Variants in PRKN observed in about 807,000 individuals in gnomAD.
PRKN encodes the protein parkin RBR E3 ubiquitin protein ligase, also known as E3 ubiquitin-protein ligase parkin.
In PRKN, 56 loss-of-function variants were observed where a neutral mutation model predicts 59.5. The observed-to-expected ratio is 0.94, with a 90% CI of 0.76 to 1.18. The LOEUF (loss-of-function observed/expected upper bound fraction) is 1.18, where lower values mean the gene tolerates loss of function less well. Ranked by LOEUF, PRKN falls within the 50% of genes most tolerant of loss-of-function variation. The probability of loss-of-function intolerance (pLI) is 0.00; values close to 1 mark genes in which losing one functional copy is unlikely to be tolerated. For synonymous variants in PRKN, 250 were observed against 222.1 expected (o/e 1.13, Z -1.12); for missense variants, 657 against 596.4 (o/e 1.10, Z -1.06).
intron 6 of PRKN, among the ~76,000 whole-genome samples, chr6:161,898,128 A>G (rs1203279838): frequency 1.3e-5 from 2 of 152,136 alleles, no homozygotes; most frequent in Non-Finnish European, 2.9e-5. Flanking sequence ...AAATCACTAT[A>G]ATTGATACTT....
chr6:162,711,968 G>A (rs1285461132), intron 1 of PRKN, among the ~76,000 whole-genome samples: 1 of 152,186 alleles, frequency 6.6e-6, no homozygotes, highest in Non-Finnish European at 1.5e-5. Flanking sequence ...TCTGGTCGGG[G>A]AAGGCAGAGA....
intron 2 of PRKN, among the ~76,000 whole-genome samples, chr6:162,300,945 C>T (rs1315453098): frequency 6.6e-6 from 1 of 151,900 alleles, no homozygotes; most frequent in Non-Finnish European, 1.5e-5. Flanking sequence ...GGTGGAGCTA[C>T]ATCCACAGAC....
chr6:162,633,829 A>C (rs1777609512), intron 1 of PRKN, among the ~76,000 whole-genome samples: 1 of 152,178 alleles, frequency 6.6e-6, no homozygotes. Context: ...AGATGAGCTA[A>C]ACAAGAGACT....
intron 4 of PRKN, among the ~76,000 whole-genome samples, chr6:162,143,696 A>C (rs78542246): frequency 0.17 from 25,150 of 152,248 alleles, 2,625 homozygotes; most frequent in African/African-American, 0.29. Flanking sequence ...ATATTAGGTA[A>C]TAAATAGCAC....
Position 161,353,566 on chromosome 6 carries a change from G to C in PRKN, c.1286-3355C>G, listed in dbSNP as rs973242118. 1.3e-5 allele frequency among the ~76,000 whole-genome samples: 2 copies of C among 152,212 alleles called. No homozygotes were observed. The highest frequency in any genetic ancestry group is 4.8e-5 in the African/African-American group (2 of 41,460). ...CTGATGGGCGGAGCACCCAGGGAAG[G>C]CTTGGAAGCTCCGCGACCCTTCCCC... On this transcript the variant is annotated intron_variant, in intron 11 of 11. Coordinates refer to ENST00000366898, the MANE Select transcript of PRKN (RefSeq NM_004562.3). This position sits in a 1 kb window ranked among gnomAD's most constrained non-coding sequence, Gnocchi z 4.8.
At chr6:161,656,366 C>T (rs1300040490) in intron 7 of PRKN, among the ~76,000 whole-genome samples, 1 of 152,124 alleles carries the variant, frequency 6.6e-6, no homozygotes, top group Non-Finnish European at 1.5e-5. Flanking sequence ...GGACTGATGT[C>T]CTGATAGGCT....
intron 1 of PRKN, among the ~76,000 whole-genome samples, chr6:162,453,932 A>C (rs1179002521): frequency 6.6e-6 from 1 of 152,118 alleles, no homozygotes; most frequent in Non-Finnish European, 1.5e-5. Flanking sequence ...AAGTGGACAT[A>C]ATAATAAGGG....
chr6:161,985,154 C>T (rs1781390352), intron 5 of PRKN, among the ~76,000 whole-genome samples: 1 of 152,154 alleles, frequency 6.6e-6, no homozygotes, highest in African/African-American at 2.4e-5. Context: ...GTTTATAAAT[C>T]GAGCATATCT....
chr6:162,662,839 T>C (rs138705061), intron 1 of PRKN, among the ~76,000 whole-genome samples: 230 of 152,278 alleles, frequency 1.5e-3, no homozygotes, highest in African/African-American at 5.2e-3. Flanking sequence ...TGTGGTATAA[T>C]TGAAAGTCAG....
intron 1 of PRKN, among the ~76,000 whole-genome samples, chr6:162,627,045 G>A (rs751917015): frequency 2.1e-4 from 32 of 152,134 alleles, no homozygotes; most frequent in Admixed American, 7.9e-4. Context: ...ACAAGGCAAA[G>A]TCTCTGTTCT....
At chr6:161,655,130 C>A (rs1383388285) in intron 7 of PRKN, among the ~76,000 whole-genome samples, 3 of 141,596 alleles carry the variant, frequency 2.1e-5, no homozygotes, top group Non-Finnish European at 4.4e-5. Flanking sequence ...CCCCTCATCA[C>A]CAGCAAGGTG....
chr6:162,546,235 C>CTGGCAT (rs1779113371), intron 1 of PRKN, among the ~76,000 whole-genome samples: 1 of 151,188 alleles, frequency 6.6e-6, no homozygotes, highest in South Asian at 2.1e-4. Flanking sequence ...TCCCAAGTAC[C>CTGGCAT]TGGCATTATA....
intron 7 of PRKN, among the ~76,000 whole-genome samples, chr6:161,650,918 AG>A (rs1229301801): frequency 6.6e-6 from 1 of 152,156 alleles, no homozygotes; most frequent in East Asian, 1.9e-4. Context: ...GTCATTTCCA[AG>A]GGTGTGCTAC....
intron 2 of PRKN, chr6:162,264,898 A>G (rs1441736509): frequency 6.6e-6 from 1 of 152,148 alleles, no homozygotes; most frequent in African/African-American, 2.4e-5. Context: ...GCAAGGCACC[A>G]ACAGTTAGCA....
At chr6:161,768,505 C>T (rs1789525662) in intron 7 of PRKN, among the ~76,000 whole-genome samples, 1 of 151,956 alleles carries the variant, frequency 6.6e-6, no homozygotes, top group Non-Finnish European at 1.5e-5. Context: ...TGATTCAATG[C>T]AAATACTGCT....
chr6:161,708,206 CTA>C (rs919288854), intron 7 of PRKN, among the ~76,000 whole-genome samples: 2 of 152,008 alleles, frequency 1.3e-5, no homozygotes. Flanking sequence ...CATTGAAACA[CTA>C]TGTTTTTAGA....
chr6:162,566,255 C>G (rs1446107404), intron 1 of PRKN, among the ~76,000 whole-genome samples: 1 of 151,250 alleles, frequency 6.6e-6, no homozygotes, highest in Admixed American at 6.6e-5. Flanking sequence ...TTTCTATATG[C>G]CAAGAATTAG....
intron 1 of PRKN, among the ~76,000 whole-genome samples, chr6:162,451,090 C>A (rs556513572): frequency 6.6e-6 from 1 of 152,136 alleles, no homozygotes; most frequent in South Asian, 2.1e-4. Context: ...AACAGATTTT[C>A]TTTTCAAGAT....
intron 9 of PRKN, among the ~76,000 whole-genome samples, chr6:161,493,264 G>T (rs1777624973): frequency 2.0e-5 from 3 of 152,166 alleles, no homozygotes; most frequent in African/African-American, 7.2e-5. Flanking sequence ...CTTGTTTAAA[G>T]AAGTATTTTA....
Sources: allele counts gnomAD v4.1 joint callset (sites outside exome capture counted in the v4.1 genomes callset), GRCh38; gene constraint gnomAD v4.1.1; non-coding constraint Gnocchi (gnomAD v3.1); transcripts MANE v1.5; gene names NCBI Gene and HGNC (gene_info 2026-07-23, HGNC 2026-07-21).